The following CCDC7 variants were observed in gnomAD, a reference collection of about 807,000 sequenced individuals.
CCDC7 encodes the protein coiled-coil domain-containing protein 7.
A neutral mutation model predicts 196.9 loss-of-function variants in CCDC7; 183 were observed. The observed-to-expected ratio is 0.93, with a 90% CI of 0.82 to 1.05. The LOEUF is 1.05. CCDC7 is among the 50% of genes least tolerant of loss of function. The probability of loss-of-function intolerance (pLI) is 0.00; values close to 1 mark genes in which losing one functional copy is unlikely to be tolerated. For synonymous variants in CCDC7, 525 were observed against 484.6 expected, an observed-to-expected ratio of 1.08 and a Z score of -1.10; for missense variants, 1,540 against 1,482.2, an observed-to-expected ratio of 1.04 and a Z score of -0.64.
intron 24 of CCDC7, among the ~76,000 whole-genome samples, chr10:32,711,202 CTG>C (rs772169153): frequency 1.2e-4 from 18 of 150,154 alleles, no homozygotes; most frequent in African/African-American, 2.5e-4. Flanking sequence ...ATACATATAA[CTG>C]TGTGTGTGTG....
chr10:32,745,157 G>A (rs749066842), intron 28 of CCDC7, among the ~76,000 whole-genome samples: 1 of 152,150 alleles, frequency 6.6e-6, no homozygotes, highest in Non-Finnish European at 1.5e-5. Context: ...TGGGCTCTCT[G>A]TTCTGTGCCA....
At chr10:32,558,027 AT>A (rs1446630279) in intron 13 of CCDC7, among the ~76,000 whole-genome samples, 2 of 152,074 alleles carry the variant, frequency 1.3e-5, no homozygotes, top group African/African-American at 4.8e-5. Flanking sequence ...CCATAATTTT[AT>A]TTATTATGAG....
At chr10:32,661,456 C>T (rs73259413) in intron 20 of CCDC7, among the ~76,000 whole-genome samples, 8,082 of 152,158 alleles carry the variant, frequency 0.053, 721 homozygotes, top group African/African-American at 0.18. Context: ...AGTTTCTTAC[C>T]ATAGCCACCA....
intron 21 of CCDC7, among the ~76,000 whole-genome samples, chr10:32,680,616 A>G (rs2075725679): frequency 6.8e-6 from 1 of 147,454 alleles, no homozygotes; most frequent in African/African-American, 2.6e-5. Flanking sequence ...CACCCTGGGG[A>G]CACACATATT....
chr10:32,451,018 C>A (rs1192210074), upstream of CCDC7, among the ~76,000 whole-genome samples: 1 of 151,932 alleles, frequency 6.6e-6, no homozygotes, highest in South Asian at 2.1e-4. Context: ...TGGGATTTGC[C>A]ATCTTCATAG....
chr10:32,511,265 G>GGT lies in CCDC7; in HGVS notation c.873-6679_873-6678insTG, dbSNP rs1564506403. ...ACAGAATTATTCTGTGGGGGGCGGG[G>GGT]GGGGCGGGGAAATGTACTTTTTGAA... On this transcript the variant is annotated intron_variant, in intron 9 of 41. Coordinates refer to ENST00000639629, the Ensembl canonical transcript of CCDC7. The GGT allele has an allele frequency of 7.5e-4, 407 of 541,138 alleles. 3 individuals are homozygous for GGT. Among genetic ancestry groups the GGT allele is most frequent in the Middle Eastern group, 1.4e-3 (3 of 2,080 alleles). The allele number at this position is 541,138 out of a possible 1,614,324, so 33.5% of individuals were successfully genotyped here.
chr10:32,676,556 G>C (rs187555578), intron 21 of CCDC7, among the ~76,000 whole-genome samples: 1 of 152,068 alleles, frequency 6.6e-6, no homozygotes, highest in African/African-American at 2.4e-5. Context: ...AAATGTGGGC[G>C]AAGGACATGA....
chr10:32,873,112 G>T (rs1300978958), intron 41 of CCDC7, among the ~76,000 whole-genome samples: 2 of 152,016 alleles, frequency 1.3e-5, no homozygotes, highest in Non-Finnish European at 2.9e-5. Flanking sequence ...AAGTTCTCCT[G>T]GATAATATCC....
intron 18 of CCDC7, among the ~76,000 whole-genome samples, chr10:32,611,955 G>T (rs1325666517): frequency 6.6e-6 from 1 of 152,140 alleles, no homozygotes; most frequent in Non-Finnish European, 1.5e-5. Flanking sequence ...ATTCTCTGAA[G>T]AAAGTCAATG....
chr10:32,787,555 T>A (rs1037477833), intron 29 of CCDC7, among the ~76,000 whole-genome samples: 2 of 152,096 alleles, frequency 1.3e-5, no homozygotes, highest in African/African-American at 4.8e-5. Flanking sequence ...ATATCCTTAA[T>A]GTGAGGAAAG....
At chr10:32,472,760 T>C (rs1194479912) in intron 7 of CCDC7, among the ~76,000 whole-genome samples, 1 of 151,750 alleles carries the variant, frequency 6.6e-6, no homozygotes, top group East Asian at 1.9e-4. Context: ...TGAGGCCAGC[T>C]GATTTTTTTT....
chr10:32,701,232 C>A (rs1316309558), intron 24 of CCDC7, among the ~76,000 whole-genome samples: 2 of 152,146 alleles, frequency 1.3e-5, no homozygotes, highest in Non-Finnish European at 2.9e-5. Context: ...TATGTCCCAT[C>A]AATACCTAAT....
intron 25 of CCDC7, among the ~76,000 whole-genome samples, chr10:32,717,294 C>T (rs909599306): frequency 1.3e-5 from 2 of 152,026 alleles, no homozygotes; most frequent in Admixed American, 6.5e-5. Flanking sequence ...GGGTAAATAA[C>T]GAAATGAAGG....
chr10:32,752,523 G>A (rs1168804039), intron 28 of CCDC7, among the ~76,000 whole-genome samples: 2 of 152,084 alleles, frequency 1.3e-5, no homozygotes, highest in Non-Finnish European at 2.9e-5. Flanking sequence ...CTGTTCACAA[G>A]AAGGATTTCT....
chr10:32,605,772 A>C (rs1360057356), intron 18 of CCDC7, among the ~76,000 whole-genome samples: 1 of 152,244 alleles, frequency 6.6e-6, no homozygotes, highest in African/African-American at 2.4e-5. Flanking sequence ...GAAATGACTT[A>C]AAATTCCAAG....
intron 29 of CCDC7, among the ~76,000 whole-genome samples, chr10:32,786,914 G>C (rs1032410673): frequency 6.6e-6 from 1 of 152,126 alleles, no homozygotes; most frequent in East Asian, 1.9e-4. Flanking sequence ...TAGTTGAAAA[G>C]TATAATAGTT....
At chr10:32,843,173 AT>A (rs1448701813) in intron 33 of CCDC7, among the ~76,000 whole-genome samples, 3 of 152,082 alleles carry the variant, frequency 2.0e-5, no homozygotes, top group South Asian at 2.1e-4. Context: ...ATGCAAAAAA[AT>A]ATATAAATAA....
At chr10:32,459,927 C>T (rs56102114) in intron 3 of CCDC7, among the ~76,000 whole-genome samples, 17,225 of 151,574 alleles carry the variant, frequency 0.11, 1,178 homozygotes, top group South Asian at 0.27. Flanking sequence ...AGATATTGAC[C>T]CTTTTATATA....
chr10:32,673,470 C>T (rs1370414777), intron 21 of CCDC7, among the ~76,000 whole-genome samples: 1 of 151,884 alleles, frequency 6.6e-6, no homozygotes, highest in Admixed American at 6.6e-5. Context: ...AGTGTACAAG[C>T]CTTTTGCCTT....
Sources: allele counts gnomAD v4.1 joint callset (sites outside exome capture counted in the v4.1 genomes callset), GRCh38; gene constraint gnomAD v4.1.1; transcripts MANE v1.5; gene names NCBI Gene and HGNC (gene_info 2026-07-23, HGNC 2026-07-21).